The following IRAK2 variants were observed in gnomAD, a reference collection of about 807,000 sequenced individuals.
IRAK2 encodes the protein interleukin 1 receptor associated kinase 2.
In IRAK2, 57 loss-of-function variants were observed where a neutral mutation model predicts 72.0. That is an observed-to-expected ratio of 0.79 (90% CI 0.64 to 0.99). The LOEUF (loss-of-function observed/expected upper bound fraction) is 0.99, where lower values mean the gene tolerates loss of function less well. Ranked by LOEUF, IRAK2 falls within the 50% of genes least tolerant of loss-of-function variation. The pLI is 0.00. For missense variants in IRAK2, 790 were observed against 794.4 expected (o/e 0.99, Z 0.07); for synonymous variants, 293 against 312.7 (o/e 0.94, Z 0.67).
intron 1 of IRAK2, among the ~76,000 whole-genome samples, chr3:10,167,526 T>C (rs1458472200): frequency 6.6e-6 from 1 of 152,114 alleles, no homozygotes; most frequent in Non-Finnish European, 1.5e-5. Context: ...GCCATTCTCC[T>C]GCTTCAGCCT....
chr3:10,165,673 T>C lies in IRAK2; in HGVS notation c.94+625T>C, dbSNP rs1156709424. Among the ~76,000 whole-genome samples, 6 of 150,946 alleles carry C rather than the reference T, an allele frequency of 4.0e-5. No individual in the cohort carries two copies. The South Asian group carries it at 1.3e-3, about 32-fold the overall frequency. Reference sequence around the variant, plus strand: ...ACCACCCTGGCTAATTTTTTGTATTTTCAGTAGAGACCGGGTTTCACCATG... The same window carrying C: ...ACCACCCTGGCTAATTTTTTGTATTCTCAGTAGAGACCGGGTTTCACCATG... On this transcript the variant is annotated intron_variant, in intron 1 of 12. Coordinates refer to ENST00000256458, the MANE Select transcript of IRAK2 (RefSeq NM_001570.4).
At chr3:10,179,597 C>A (rs1481751320) in intron 2 of IRAK2, among the ~76,000 whole-genome samples, 1 of 152,106 alleles carries the variant, frequency 6.6e-6, no homozygotes. Flanking sequence ...CCATGCCCGG[C>A]TAATTTTTGT....
intron 10 of IRAK2, among the ~76,000 whole-genome samples, chr3:10,232,558 G>A (rs949059183): frequency 6.6e-6 from 1 of 152,078 alleles, no homozygotes; most frequent in African/African-American, 2.4e-5. Context: ...CTTTCATCGC[G>A]TGTTCTCAGT....
At chr3:10,211,421 GC>G (rs869131957) in intron 4 of IRAK2, among the ~76,000 whole-genome samples, 105 of 456 alleles carry the variant, frequency 0.23, no homozygotes, top group African/African-American at 0.39. Flanking sequence ...GAGATTACAA[GC>G]AGTGAATCAC....
intron 2 of IRAK2, among the ~76,000 whole-genome samples, chr3:10,189,160 G>A (rs1011657751): frequency 1.3e-5 from 2 of 152,220 alleles, no homozygotes; most frequent in African/African-American, 4.8e-5. Context: ...AGGGCAGGTA[G>A]GAGAGTGCAA....
At chr3:10,236,395 T>C (rs1328284968) in intron 11 of IRAK2, among the ~76,000 whole-genome samples, 5 of 139,734 alleles carry the variant, frequency 3.6e-5, no homozygotes, top group African/African-American at 1.3e-4. Flanking sequence ...TCACCCAGGC[T>C]ACAGTGTAGT....
rs555169553 is a variant in IRAK2 at position 10,190,279 on chromosome 3, C to CT, written c.278-10073dup. On this transcript the variant is annotated intron_variant, in intron 2 of 12. Coordinates refer to ENST00000256458, the MANE Select transcript of IRAK2 (RefSeq NM_001570.4). ...CGAGATGGTGAGGTTTTCTTTGTTTCTTTTTTTTTTTTTTTTTGTGAGACA... is the reference window on the plus strand; with the variant it reads ...CGAGATGGTGAGGTTTTCTTTGTTTCTTTTTTTTTTTTTTTTTTGTGAGACA... Among the ~76,000 whole-genome samples the CT allele has an allele frequency of 8.5e-3, 972 of 114,748 alleles. 22 individuals carry two copies. Among genetic ancestry groups the CT allele is most frequent in the African/African-American group, 0.024 (647 of 27,298 alleles). The allele number at this position is 114,748 out of a possible 152,430, so 75.3% of individuals were successfully genotyped here. A position where few individuals can be genotyped will look rare whatever the true frequency, so the allele number is the denominator to read the frequency against.
At chr3:10,235,949 GTCAT>G (rs1367491148) in intron 11 of IRAK2, among the ~76,000 whole-genome samples, 1 of 152,154 alleles carries the variant, frequency 6.6e-6, no homozygotes, top group Admixed American at 6.5e-5. Flanking sequence ...CCGATGTTCA[GTCAT>G]TCATTCCGCA....
chr3:10,176,353 T>G (rs930448106), intron 1 of IRAK2, among the ~76,000 whole-genome samples: 2 of 152,090 alleles, frequency 1.3e-5, no homozygotes, highest in East Asian at 1.9e-4. Context: ...CAGGCTGGAG[T>G]GCAGTGACAT....
At chr3:10,178,455 CAAAAGAAAAAAAA>C (rs1384121171) in intron 2 of IRAK2, among the ~76,000 whole-genome samples, 2 of 139,752 alleles carry the variant, frequency 1.4e-5, no homozygotes, top group African/African-American at 2.7e-5. Context: ...ACTCTGTCTC[CAAAAGAAAAAAAA>C]AAAAGAAACA....
chr3:10,221,525 T>A (rs1697692531), intron 8 of IRAK2, among the ~76,000 whole-genome samples: 1 of 151,532 alleles, frequency 6.6e-6, no homozygotes, highest in South Asian at 2.1e-4. Context: ...AGTGCTGGGA[T>A]TACAGGTGTG....
rs71055805 is a variant in IRAK2, at chr3:10,183,720, A to AAAATAAATAAAT, written c.277+5715_277+5726dup. Among the ~76,000 whole-genome samples, 113 of 151,118 alleles carry AAAATAAATAAAT rather than the reference A, an allele frequency of 7.5e-4. 1 individual carries two copies. The highest frequency in any genetic ancestry group is 2.0e-3 in the African/African-American group (81 of 41,078). ...TGGCGGCAGAGCGAGACTCCGTCTCAAAATAAATAAATAAATAAATAAATA... is the reference window on the plus strand; with the variant it reads ...TGGCGGCAGAGCGAGACTCCGTCTCAAAATAAATAAATAAATAAATAAATAAATAAATAAATA... On this transcript the variant is annotated intron_variant, in intron 2 of 12. Transcript: ENST00000256458.
chr3:10,225,823 C>A (rs1019510454), intron 9 of IRAK2, among the ~76,000 whole-genome samples: 7 of 152,024 alleles, frequency 4.6e-5, no homozygotes, highest in African/African-American at 1.7e-4. Context: ...CTCAGCCTCC[C>A]AAGCACCTGG....
chr3:10,200,270 C>T (rs1376248361), intron 2 of IRAK2, 99 bp from the exon 3 acceptor site: 4 of 1,062,028 alleles, frequency 3.8e-6, no homozygotes, highest in Non-Finnish European at 5.4e-6. Flanking sequence ...TGTGGCAGAG[C>T]CAGAATTAGA....
chr3:10,180,876 A>C (rs1696949870), intron 2 of IRAK2, among the ~76,000 whole-genome samples: 1 of 152,070 alleles, frequency 6.6e-6, no homozygotes, highest in Admixed American at 6.6e-5. Context: ...CGGGGAGGCC[A>C]GTGGGGCAGC....
intron 2 of IRAK2, among the ~76,000 whole-genome samples, chr3:10,184,787 T>C (rs1380421495): frequency 2.8e-5 from 4 of 141,836 alleles, no homozygotes; most frequent in South Asian, 2.3e-4. Context: ...TGGAGTGCAG[T>C]GGCGCGATCT....
chr3:10,208,304 G>A (rs1034563828), intron 3 of IRAK2, among the ~76,000 whole-genome samples: 2 of 151,954 alleles, frequency 1.3e-5, no homozygotes, highest in African/African-American at 2.4e-5. Context: ...GTTAACGCAC[G>A]GGAAGGATTT....
chr3:10,236,209 C>T (rs1697955310), intron 11 of IRAK2, among the ~76,000 whole-genome samples: 1 of 152,000 alleles, frequency 6.6e-6, no homozygotes, highest in South Asian at 2.1e-4. Context: ...CGTTCAAGGG[C>T]CTGGAAGAAG....
At chr3:10,187,055 G>T (rs1697087870) in intron 2 of IRAK2, among the ~76,000 whole-genome samples, 1 of 150,356 alleles carries the variant, frequency 6.7e-6, no homozygotes, top group Non-Finnish European at 1.5e-5. Flanking sequence ...TATCTGAAGT[G>T]CATTTCTTTT....
Sources: gnomAD v4.1 joint callset for allele counts (sites outside exome capture counted in the v4.1 genomes callset) on GRCh38, gnomAD v4.1.1 for gene constraint, MANE v1.5 for transcripts, NCBI Gene and HGNC (gene_info 2026-07-23, HGNC 2026-07-21) for gene names.